The following GALNT17 variants were observed in gnomAD, a reference collection of about 807,000 sequenced individuals.
GALNT17 encodes UDP-GalNAc:polypeptide N-acetylgalactosaminyltransferase-like 3.
Under a neutral mutation model 63.7 loss-of-function variants are expected in GALNT17, and 29 were observed. That is an observed-to-expected ratio of 0.46 (90% confidence interval 0.34 to 0.62). The LOEUF (loss-of-function observed/expected upper bound fraction) is 0.62. GALNT17 is among the 20% of genes least tolerant of loss of function. The pLI is 0.01. For synonymous variants in GALNT17, 305 were observed against 318.3 expected, an observed-to-expected ratio of 0.96 and a Z score of 0.45; for missense variants, 603 against 799.6, an observed-to-expected ratio of 0.75 and a Z score of 2.97.
chr7:71,170,190 T>G (rs927682216), intron 1 of GALNT17, among the ~76,000 whole-genome samples: 1 of 152,130 alleles, frequency 6.6e-6, no homozygotes, highest in African/African-American at 2.4e-5. Flanking sequence ...GAATGTTGTG[T>G]AATGAATGAA....
chr7:71,206,213 A>C (rs1373444227), intron 1 of GALNT17, among the ~76,000 whole-genome samples: 8 of 151,394 alleles, frequency 5.3e-5, no homozygotes, highest in Admixed American at 5.3e-4. Context: ...TCTTGTGCTC[A>C]TGAATTTGTA....
chr7:71,255,887 A>C (rs1790280516), intron 1 of GALNT17, among the ~76,000 whole-genome samples: 1 of 152,208 alleles, frequency 6.6e-6, no homozygotes, highest in Admixed American at 6.5e-5. Flanking sequence ...CTCTCGGCCA[A>C]GGGCAATCCC....
chr7:71,438,502 CAATCAAGTTGACACTCAGTATT>C (rs1442555496), intron 5 of GALNT17, among the ~76,000 whole-genome samples: 1 of 152,138 alleles, frequency 6.6e-6, no homozygotes, highest in Non-Finnish European at 1.5e-5. Flanking sequence ...TCCTTCAATC[CAATCAAGTTGACACTCAGTATT>C]AATCATCACA....
At chr7:71,590,550 C>T (rs777086748) in intron 6 of GALNT17, among the ~76,000 whole-genome samples, 1 of 152,176 alleles carries the variant, frequency 6.6e-6, no homozygotes, top group Non-Finnish European at 1.5e-5. Context: ...ATTTATGGCT[C>T]TGGGTTTCTG....
At chr7:71,704,170 A>G (rs1473509819) in intron 9 of GALNT17, among the ~76,000 whole-genome samples, 2 of 152,174 alleles carry the variant, frequency 1.3e-5, no homozygotes, top group African/African-American at 2.4e-5. Context: ...ACCATGAGGT[A>G]CCTGGGTGGT....
At chr7:71,473,628 C>T (rs1787677235) in intron 5 of GALNT17, among the ~76,000 whole-genome samples, 1 of 151,984 alleles carries the variant, frequency 6.6e-6, no homozygotes, top group African/African-American at 2.4e-5. Context: ...TGAGGCTTGT[C>T]CATCCTTTCT....
chr7:71,374,106 G>A (rs1792677536), intron 2 of GALNT17, among the ~76,000 whole-genome samples: 1 of 152,086 alleles, frequency 6.6e-6, no homozygotes, highest in South Asian at 2.1e-4. Flanking sequence ...TGGAAAACTG[G>A]AGACCACAGT....
At chr7:71,662,318 T>TTATCTATCTATCTATC (rs35082867) in intron 6 of GALNT17, among the ~76,000 whole-genome samples, 9,177 of 150,984 alleles carry the variant, frequency 0.061, 409 homozygotes, top group East Asian at 0.16. Flanking sequence ...ATCTCTCTGT[T>TTATCTATCTATCTATC]TATCTATCTA....
At chr7:71,173,705 G>A (rs1377824656) in intron 1 of GALNT17, among the ~76,000 whole-genome samples, 1 of 152,124 alleles carries the variant, frequency 6.6e-6, no homozygotes, top group African/African-American at 2.4e-5. Context: ...CCTGGGAGGC[G>A]GAGGTTGCAG....
rs578152333 is a variant in GALNT17 at position 71,659,589 on chromosome 7, G to A, written c.1081-5822G>A. Among the ~76,000 whole-genome samples, 17 of 152,334 alleles carry A rather than the reference G, an allele frequency of 1.1e-4. No individual in the cohort carries two copies. The South Asian group carries it at 3.3e-3, about 30-fold the overall frequency. ...AGAGGAAGAAAGTGCAAGCCGCAAAGTCTCTAAGGCCTAGTCCTGGGTTGT... is the reference window on the plus strand; with the variant it reads ...AGAGGAAGAAAGTGCAAGCCGCAAAATCTCTAAGGCCTAGTCCTGGGTTGT... On this transcript the variant is annotated intron_variant, in intron 6 of 10. Transcript: ENST00000333538.
chr7:71,439,387 G>A (rs1325307207), intron 5 of GALNT17, among the ~76,000 whole-genome samples: 1 of 152,120 alleles, frequency 6.6e-6, no homozygotes, highest in Non-Finnish European at 1.5e-5. Flanking sequence ...CACCAGCCTG[G>A]GTAGATCAAT....
chr7:71,179,985 T>G (rs959101242), intron 1 of GALNT17, among the ~76,000 whole-genome samples: 2 of 152,196 alleles, frequency 1.3e-5, no homozygotes, highest in African/African-American at 4.8e-5. Context: ...GAGCCAAATA[T>G]GAGATTTTGT....
chr7:71,661,480 G>A (rs1046896021), intron 6 of GALNT17, among the ~76,000 whole-genome samples: 2 of 152,190 alleles, frequency 1.3e-5, no homozygotes, highest in Non-Finnish European at 2.9e-5. Flanking sequence ...TGAGCAAGAG[G>A]AGCCCTCGTC....
chr7:71,434,903 A>G (rs1484045377), intron 5 of GALNT17, among the ~76,000 whole-genome samples: 3 of 152,198 alleles, frequency 2.0e-5, no homozygotes, highest in African/African-American at 7.2e-5. Context: ...AAACAAACAA[A>G]CAAAAACCCT....
chr7:71,576,068 A>G (rs1390390139), intron 6 of GALNT17, among the ~76,000 whole-genome samples: 3 of 152,216 alleles, frequency 2.0e-5, no homozygotes, highest in Non-Finnish European at 4.4e-5. Context: ...AGAAGAAAAG[A>G]TAGGTTACTT....
chr7:71,133,544 C>A (rs1787727262), intron 1 of GALNT17, among the ~76,000 whole-genome samples: 2 of 152,128 alleles, frequency 1.3e-5, no homozygotes, highest in African/African-American at 4.8e-5. Flanking sequence ...AGGAATATGT[C>A]ATCTGTCTAT....
intron 3 of GALNT17, among the ~76,000 whole-genome samples, chr7:71,396,002 C>G (rs1308443870): frequency 6.6e-6 from 1 of 152,270 alleles, no homozygotes; most frequent in East Asian, 1.9e-4. Context: ...TCATCTTTAT[C>G]AAATATTCTG....
chr7:71,709,190 A>G (rs776707936), intron 9 of GALNT17, among the ~76,000 whole-genome samples: 4 of 152,202 alleles, frequency 2.6e-5, no homozygotes, highest in Non-Finnish European at 4.4e-5. Flanking sequence ...GTGTATAAGC[A>G]TGCCTTCTTC....
At chr7:71,313,670 A>T (rs1304843205) in intron 1 of GALNT17, among the ~76,000 whole-genome samples, 2 of 152,244 alleles carry the variant, frequency 1.3e-5, no homozygotes, top group African/African-American at 4.8e-5. Context: ...GTAAAAGCTC[A>T]TTAGGGAAGA....
Sources: allele counts gnomAD v4.1 joint callset (sites outside exome capture counted in the v4.1 genomes callset), GRCh38; gene constraint gnomAD v4.1.1; transcripts MANE v1.5; gene names NCBI Gene and HGNC (gene_info 2026-07-23, HGNC 2026-07-21).